The following SMG6 variants were observed in gnomAD, a reference collection of about 807,000 sequenced individuals.
The protein encoded by SMG6 is SMG6 nonsense mediated mRNA decay factor, also known as telomerase-binding protein EST1A.
A neutral mutation model predicts 142.2 loss-of-function variants in SMG6; 66 were observed. The observed-to-expected ratio is 0.46, with a 90% CI of 0.38 to 0.57. SMG6 has a LOEUF of 0.57. SMG6 is among the 20% of genes least tolerant of loss of function. SMG6 has a pLI of 0.00. For synonymous variants in SMG6, 779 were observed against 702.4 expected, an observed-to-expected ratio of 1.11 and a Z score of -1.72; for missense variants, 1,793 against 1,832.0, an observed-to-expected ratio of 0.98 and a Z score of 0.39.
intron 10 of SMG6, among the ~76,000 whole-genome samples, chr17:2,235,503 G>T (rs568297693): frequency 6.6e-6 from 1 of 152,270 alleles, no homozygotes; most frequent in South Asian, 2.1e-4. Context: ...GAGAGAAAGT[G>T]CTATGAAAAG....
chr17:2,064,241 A>T (rs1051113663), intron 18 of SMG6, among the ~76,000 whole-genome samples: 15 of 152,138 alleles, frequency 9.9e-5, no homozygotes, highest in Admixed American at 6.5e-5. Flanking sequence ...TGCAGATGAC[A>T]CAGAGCTGGC....
chr17:2,296,076 T>C (rs1382764012), intron 4 of SMG6, among the ~76,000 whole-genome samples: 1 of 152,244 alleles, frequency 6.6e-6, no homozygotes, highest in Non-Finnish European at 1.5e-5. Context: ...CCCAAGTGAC[T>C]GGTTCTAAGA....
intron 6 of SMG6, among the ~76,000 whole-genome samples, chr17:2,291,544 G>C (rs1322905843): frequency 2.6e-5 from 4 of 152,044 alleles, no homozygotes; most frequent in Non-Finnish European, 4.4e-5. Context: ...AAACCGGAGA[G>C]AGATCAACCA....
chr17:2,070,150 C>T (rs187398682), intron 15 of SMG6, among the ~76,000 whole-genome samples: 6 of 152,314 alleles, frequency 3.9e-5, no homozygotes, highest in East Asian at 1.9e-4. Context: ...GGGAAGTTCC[C>T]GAGAGATGCA....
chr17:2,078,132 C>T (rs2068311312), intron 15 of SMG6, among the ~76,000 whole-genome samples: 1 of 152,088 alleles, frequency 6.6e-6, no homozygotes, highest in African/African-American at 2.4e-5. Flanking sequence ...CTACAAACTC[C>T]AGGAGGTGCC....
chr17:2,161,454 C>T lies in SMG6; in HGVS notation c.3357+11204G>A, dbSNP rs576685533. ...AGACAGAGTCTCACACACTGTCACC[C>T]GGGCTGGAGTGCAATGGTGCGACCT... is the stretch of plus-strand genomic sequence containing the variant. On this transcript the variant is annotated intron_variant, in intron 13 of 18. Transcript: ENST00000263073. Among the ~76,000 whole-genome samples the T allele has an allele frequency of 5.9e-5, 9 of 151,666 alleles. No individual in the cohort carries two copies. In the South Asian group the frequency reaches 8.4e-4, roughly 14 times the overall value.
intron 10 of SMG6, among the ~76,000 whole-genome samples, chr17:2,191,456 G>A (rs1235378349): frequency 1.3e-5 from 2 of 152,214 alleles, no homozygotes; most frequent in Non-Finnish European, 2.9e-5. Flanking sequence ...GGAGGAAAAG[G>A]CATTGTTTGC....
intron 13 of SMG6, among the ~76,000 whole-genome samples, chr17:2,121,578 CATGTCT>C (rs1567614079): frequency 3.4e-5 from 2 of 58,510 alleles, no homozygotes; most frequent in African/African-American, 2.1e-4. Flanking sequence ...TATATATGTA[CATGTCT>C]GTCTGTGTGT....
chr17:2,085,597 C>T lies in SMG6; in HGVS notation c.3534+128G>A. 1 of 951,334 alleles carries T rather than the reference C, an allele frequency of 1.1e-6. No homozygotes were observed. The highest frequency in any genetic ancestry group is 1.6e-6 in the Non-Finnish European group (1 of 632,106). The allele number at this position is 951,334 out of a possible 1,614,324, so 58.9% of individuals were successfully genotyped here. A position where few individuals can be genotyped will look rare whatever the true frequency, so the allele number is the denominator to read the frequency against. On this transcript the variant is annotated intron_variant, in intron 14 of 18. Transcript: ENST00000263073. The surrounding 1 kb of genome is among the most constrained non-coding windows in gnomAD (Gnocchi z 4.1). ...ACCATCAGAGCACACTCTCGAGAAGCTGGCTGGTCACATTAACACAGACGC... is the reference window on the plus strand; with the variant it reads ...ACCATCAGAGCACACTCTCGAGAAGTTGGCTGGTCACATTAACACAGACGC...
intron 6 of SMG6, among the ~76,000 whole-genome samples, chr17:2,286,983 G>A (rs1333967797): frequency 1.4e-5 from 2 of 142,526 alleles, no homozygotes; most frequent in African/African-American, 5.2e-5. Context: ...TCAGGCTGGA[G>A]TGCAGTGGCG....
At position 2,081,802 on chromosome 17, in the gene SMG6, G is replaced by A. The variant is rs368943506; in HGVS notation, c.3681+8C>T. 2.5e-5 allele frequency: 41 copies of A among 1,612,484 alleles called. No individual in the cohort carries two copies. The highest frequency in any genetic ancestry group is 4.0e-5 in the African/African-American group (3 of 74,908). On this transcript the variant is annotated splice_region_variant and intron_variant, in intron 15 of 18. Coordinates refer to ENST00000263073, the MANE Select transcript of SMG6 (RefSeq NM_017575.5). ...TAGTGGGAACCACGCTCCCCAGGCC[G>A]ACTTCACCTGGATCTTTTCCTGGCG... is the stretch of plus-strand genomic sequence containing the variant.
intron 10 of SMG6, chr17:2,233,365 G>A (rs141423567): frequency 3.3e-5 from 5 of 152,532 alleles, no homozygotes; most frequent in African/African-American, 1.2e-4. Context: ...TGGCCCAGAT[G>A]TTCTGTAGCT....
At chr17:2,108,623 T>C (rs2069220771) in intron 13 of SMG6, among the ~76,000 whole-genome samples, 2 of 149,362 alleles carry the variant, frequency 1.3e-5, no homozygotes, top group Admixed American at 6.7e-5. Flanking sequence ...AAAGCGAGAC[T>C]CTGTCTCAGA....
At chr17:2,166,775 A>C (rs2071350391) in intron 13 of SMG6, among the ~76,000 whole-genome samples, 1 of 152,204 alleles carries the variant, frequency 6.6e-6, no homozygotes, top group Non-Finnish European at 1.5e-5. Context: ...TGAATTCTTC[A>C]AATTATAGAC....
intron 15 of SMG6, 134 bp from the exon 16 acceptor site, chr17:2,069,065 C>T (rs1426338845): frequency 9.4e-6 from 8 of 848,600 alleles, no homozygotes; most frequent in East Asian, 2.7e-5. Flanking sequence ...AACCAGTCCC[C>T]GTCGGGTCTC....
At chr17:2,099,010 C>A (rs960356289) in intron 13 of SMG6, among the ~76,000 whole-genome samples, 1 of 151,840 alleles carries the variant, frequency 6.6e-6, no homozygotes, top group African/African-American at 2.4e-5. Flanking sequence ...GTTTTTTTCT[C>A]CTAAGTAAGA....
At chr17:2,142,844 C>T (rs139747625) in intron 13 of SMG6, among the ~76,000 whole-genome samples, 1,598 of 140,988 alleles carry the variant, frequency 0.011, 37 homozygotes, top group African/African-American at 0.04. Flanking sequence ...GCCAAGATTG[C>T]GCCATTGCAC....
intron 3 of SMG6, 133 bp from the exon 4 acceptor site, chr17:2,297,486 T>C: frequency 1.5e-6 from 1 of 658,834 alleles, no homozygotes; most frequent in Non-Finnish European, 2.6e-6. Context: ...GCACGCACAA[T>C]ATTCACTGGC....
intron 15 of SMG6, among the ~76,000 whole-genome samples, chr17:2,072,226 G>A (rs913835468): frequency 6.6e-6 from 1 of 152,150 alleles, no homozygotes; most frequent in Non-Finnish European, 1.5e-5. Context: ...AGACAGACTG[G>A]CCCTGGCATG....
Sources: gnomAD v4.1 joint callset for allele counts (sites outside exome capture counted in the v4.1 genomes callset) on GRCh38, gnomAD v4.1.1 for gene constraint, Gnocchi (gnomAD v3.1) non-coding constraint, MANE v1.5 for transcripts, NCBI Gene and HGNC (gene_info 2026-07-23, HGNC 2026-07-21) for gene names.